CAP2: variants seen among roughly 807,000 people sequenced by gnomAD.
CAP2 encodes the protein adenylyl cyclase-associated protein 2.
In CAP2, 24 loss-of-function variants were observed where a neutral mutation model predicts 57.7. The observed-to-expected ratio is 0.42, with a 90% CI of 0.30 to 0.58. The LOEUF (loss-of-function observed/expected upper bound fraction) is 0.58, where lower values mean the gene tolerates loss of function less well. Ranked by LOEUF, CAP2 falls within the 20% of genes least tolerant of loss-of-function variation. The pLI, the probability that CAP2 is intolerant of heterozygous loss-of-function variation, is 0.22. For synonymous variants in CAP2, 194 were observed against 207.2 expected (o/e 0.94, Z 0.55); for missense variants, 501 against 590.3 (o/e 0.85, Z 1.57).
chr6:17,418,591 A>G (rs983901251), intron 1 of CAP2, among the ~76,000 whole-genome samples: 1 of 152,188 alleles, frequency 6.6e-6, no homozygotes, highest in Non-Finnish European at 1.5e-5. Context: ...AGGCCTTCTC[A>G]AGACAGCTTC....
At chr6:17,426,250 T>G (rs1350926953) in intron 2 of CAP2, among the ~76,000 whole-genome samples, 1 of 149,518 alleles carries the variant, frequency 6.7e-6, no homozygotes, top group Non-Finnish European at 1.5e-5. Context: ...TTTTTTTTCT[T>G]GAGATGGAGT....
chr6:17,556,276 C>A, intron 12 of CAP2, 83 bp from the exon 13 acceptor site: 1 of 957,576 alleles, frequency 1.0e-6, no homozygotes, highest in East Asian at 2.4e-5. Flanking sequence ...AAATCAGCCT[C>A]ACCATCTGTT....
In CAP2 at chr6:17,406,843, C is replaced by G. The variant is rs114851780; in HGVS notation, c.-2+13097C>G. Reference sequence around the variant, plus strand: ...TCACACTCTTCTATTAGCCAGGGCCCCCTTTCCAGTTCCTCTGGCCAAAAA... The same window carrying G: ...TCACACTCTTCTATTAGCCAGGGCCGCCTTTCCAGTTCCTCTGGCCAAAAA... On this transcript the variant is annotated intron_variant, in intron 1 of 12. Coordinates refer to ENST00000229922, the MANE Select transcript of CAP2 (RefSeq NM_006366.3). 5.5e-3 allele frequency among the ~76,000 whole-genome samples: 838 copies of G among 152,212 alleles called. 8 individuals carry two copies. The highest frequency in any genetic ancestry group is 0.019 in the African/African-American group (795 of 41,512).
chr6:17,415,086 G>C (rs931377929), intron 1 of CAP2, among the ~76,000 whole-genome samples: 2 of 152,084 alleles, frequency 1.3e-5, no homozygotes, highest in Non-Finnish European at 1.5e-5. Flanking sequence ...TTTAATCTTA[G>C]ATTCATGATC....
chr6:17,418,230 A>G (rs1759338697), intron 1 of CAP2, among the ~76,000 whole-genome samples: 1 of 152,126 alleles, frequency 6.6e-6, no homozygotes, highest in Non-Finnish European at 1.5e-5. Context: ...GAATGCTAAC[A>G]TGTCTCCTGG....
intron 7 of CAP2, among the ~76,000 whole-genome samples, chr6:17,520,118 GT>G (rs139165741): frequency 0.075 from 11,354 of 151,914 alleles, 572 homozygotes; most frequent in Middle Eastern, 0.12. Flanking sequence ...GTTTTGTTTT[GT>G]TTTTTTGATA....
chr6:17,396,729 C>T (rs920074753), intron 1 of CAP2, among the ~76,000 whole-genome samples: 2 of 152,042 alleles, frequency 1.3e-5, no homozygotes, highest in African/African-American at 2.4e-5. Context: ...ATCCTCTAAT[C>T]GACTATAGTG....
At chr6:17,479,188 G>A (rs1013728776) in intron 4 of CAP2, among the ~76,000 whole-genome samples, 4 of 152,122 alleles carry the variant, frequency 2.6e-5, no homozygotes, top group African/African-American at 9.7e-5. Context: ...AATGCAGTGC[G>A]TCTGTACCAC....
chr6:17,504,748 CCAAAA>C (rs1290909509), intron 4 of CAP2, among the ~76,000 whole-genome samples: 6 of 152,116 alleles, frequency 3.9e-5, no homozygotes, highest in African/African-American at 1.4e-4. Flanking sequence ...CACTTCATAA[CCAAAA>C]CAAGTGTTTA....
intron 3 of CAP2, among the ~76,000 whole-genome samples, chr6:17,437,105 A>G (rs1439844213): frequency 6.6e-6 from 1 of 152,216 alleles, no homozygotes; most frequent in Non-Finnish European, 1.5e-5. Context: ...GGTGAGTTGT[A>G]TAATTATTTC....
rs375035054 is a variant in CAP2 at position 17,428,854 on chromosome 6, C to T, written c.222+2164C>T. 4.6e-5 allele frequency among the ~76,000 whole-genome samples: 7 copies of T among 152,232 alleles called. No individual in the cohort carries two copies. The South Asian group carries it at 1.2e-3, about 27-fold the overall frequency. On this transcript the variant is annotated intron_variant, in intron 3 of 12. Transcript: ENST00000229922. ...ATTAGACATCATATGCAACACCCAACACCAGTCTCCCAGGGGATCCAGTGA... is the reference window on the plus strand; with the variant it reads ...ATTAGACATCATATGCAACACCCAATACCAGTCTCCCAGGGGATCCAGTGA...
chr6:17,541,505 G>A (rs1296048005), intron 9 of CAP2, among the ~76,000 whole-genome samples: 3 of 151,854 alleles, frequency 2.0e-5, no homozygotes, highest in Non-Finnish European at 2.9e-5. Context: ...ACTTGAACCC[G>A]AGAGGTGGAG....
chr6:17,525,445 G>A lies in CAP2; in HGVS notation c.636+11491G>A, dbSNP rs193088061. On this transcript the variant is annotated intron_variant, in intron 7 of 12. Transcript: ENST00000229922. ...CACTGCACTCCTGCACTCCAGCCTGGGTGACAGAGCAAGATTCCATCTCAA... is the reference window on the plus strand; with the variant it reads ...CACTGCACTCCTGCACTCCAGCCTGAGTGACAGAGCAAGATTCCATCTCAA... 4.5e-3 allele frequency among the ~76,000 whole-genome samples: 674 copies of A among 150,986 alleles called. 8 individuals are homozygous for A. Among genetic ancestry groups the A allele is most frequent in the African/African-American group, 0.015 (622 of 40,896 alleles).
intron 4 of CAP2, among the ~76,000 whole-genome samples, chr6:17,485,856 C>T (rs147382495): frequency 0.015 from 2,254 of 152,246 alleles, 59 homozygotes; most frequent in African/African-American, 0.05. Flanking sequence ...CACCACTTAG[C>T]GCAGAGGCTT....
intron 1 of CAP2, among the ~76,000 whole-genome samples, chr6:17,396,736 A>G (rs1758673943): frequency 6.6e-6 from 1 of 152,204 alleles, no homozygotes; most frequent in Admixed American, 6.5e-5. Flanking sequence ...AATCGACTAT[A>G]GTGATAGTCG....
rs1287623854 is a variant in CAP2, at chr6:17,450,462, A to G, written c.223-12534A>G. Among the ~76,000 whole-genome samples the G allele has an allele frequency of 2.0e-5, 3 of 152,168 alleles. No individual in the cohort carries two copies. The East Asian group carries it at 5.8e-4, about 29-fold the overall frequency. On this transcript the variant is annotated intron_variant, in intron 3 of 12. Coordinates refer to ENST00000229922, the MANE Select transcript of CAP2 (RefSeq NM_006366.3). ...TTGGTGGGGCATTGAGGTCACCTTA[A>G]CTGAAACCAGTAATGCAGCTGAAAT...
intron 1 of CAP2, among the ~76,000 whole-genome samples, chr6:17,410,206 C>T (rs1759101987): frequency 6.6e-6 from 1 of 152,176 alleles, no homozygotes; most frequent in Non-Finnish European, 1.5e-5. Context: ...CTTGAGCTGC[C>T]TGTCCCACAT....
At chr6:17,499,484 C>A (rs774265728) in intron 4 of CAP2, among the ~76,000 whole-genome samples, 1 of 151,692 alleles carries the variant, frequency 6.6e-6, no homozygotes, top group African/African-American at 2.4e-5. Flanking sequence ...ACGTAACTAT[C>A]CAAAGCAATG....
intron 2 of CAP2, among the ~76,000 whole-genome samples, chr6:17,426,155 A>T (rs1759585155): frequency 6.6e-6 from 1 of 152,152 alleles, no homozygotes; most frequent in Non-Finnish European, 1.5e-5. Flanking sequence ...GGAATGACTT[A>T]GCAAATGAAT....
Sources: allele counts gnomAD v4.1 joint callset (sites outside exome capture counted in the v4.1 genomes callset), GRCh38; gene constraint gnomAD v4.1.1; transcripts MANE v1.5; gene names NCBI Gene and HGNC (gene_info 2026-07-23, HGNC 2026-07-21).